ZNF827: variants seen among roughly 807,000 people sequenced by gnomAD.
ZNF827 encodes the protein zinc finger protein 827.
ZNF827 carries 13 observed loss-of-function variants against 102.4 expected under a neutral mutation model. The ratio of observed to expected loss-of-function variants is 0.13; its 90% CI spans 0.08 to 0.20. The LOEUF (loss-of-function observed/expected upper bound fraction) is 0.20. Ranked by LOEUF, ZNF827 falls within the 10% of genes least tolerant of loss-of-function variation. ZNF827 has a pLI of 1.00. For missense variants in ZNF827, 1,103 were observed against 1,344.4 expected, an observed-to-expected ratio of 0.82 and a Z score of 2.81; for synonymous variants, 523 against 536.2, an observed-to-expected ratio of 0.98 and a Z score of 0.34.
intron 7 of ZNF827, among the ~76,000 whole-genome samples, chr4:145,834,553 A>T (rs568832025): frequency 2.0e-5 from 3 of 150,248 alleles, no homozygotes; most frequent in African/African-American, 7.4e-5. Context: ...AGCCCTCCCC[A>T]TCCTGCCCAG....
chr4:145,891,763 G>A (rs1412774980), intron 3 of ZNF827, among the ~76,000 whole-genome samples: 1 of 152,168 alleles, frequency 6.6e-6, no homozygotes, highest in Non-Finnish European at 1.5e-5. Context: ...CCTACACGGT[G>A]TCTCTGTGTG....
At chr4:145,872,945 CTT>C (rs201105472) in intron 4 of ZNF827, among the ~76,000 whole-genome samples, 16 of 130,564 alleles carry the variant, frequency 1.2e-4, no homozygotes, top group South Asian at 5.1e-4. Flanking sequence ...TTTTTCTTTT[CTT>C]TTTTTTTTTT....
intron 8 of ZNF827, among the ~76,000 whole-genome samples, chr4:145,811,841 C>T (rs943631435): frequency 3.3e-5 from 5 of 152,056 alleles, no homozygotes; most frequent in Admixed American, 6.5e-5. Flanking sequence ...TGAAAAGAAG[C>T]TCATTTGATA....
intron 11 of ZNF827, among the ~76,000 whole-genome samples, chr4:145,769,847 TTTAAA>T (rs1724749033): frequency 1.3e-5 from 2 of 152,188 alleles, no homozygotes; most frequent in Non-Finnish European, 2.9e-5. Flanking sequence ...ATTGCACAAT[TTTAAA>T]CAGCACAAAT....
chr4:145,884,551 C>A (rs1175974918), intron 4 of ZNF827, among the ~76,000 whole-genome samples: 2 of 152,170 alleles, frequency 1.3e-5, no homozygotes, highest in Non-Finnish European at 1.5e-5. Flanking sequence ...CCTTTCCCCA[C>A]CCCCTACATC....
At chr4:145,906,983 T>C (rs1169675990) in intron 1 of ZNF827, 3 of 437,310 alleles carry the variant, frequency 6.9e-6, no homozygotes, top group Admixed American at 2.7e-5. Flanking sequence ...AGTTACCATA[T>C]AATTTTAATG....
At position 145,782,267 on chromosome 4, in the gene ZNF827, G is replaced by A. The variant is rs536774346; in HGVS notation, c.2384-2756C>T. ...AACATGACCTCGAAATCACGGCTGG[G>A]TGGGGCCTGGCGGAAGAGGCAGTCG... On this transcript the variant is annotated intron_variant, in intron 8 of 14. Coordinates refer to ENST00000508784, the MANE Select transcript of ZNF827 (RefSeq NM_001306215.2). Among the ~76,000 whole-genome samples the A allele has an allele frequency of 8.5e-4, 129 of 152,356 alleles. 2 individuals carry two copies. In the Middle Eastern group the frequency reaches 0.034, roughly 40 times the overall value.
At position 145,765,569 on chromosome 4, in the gene ZNF827, G is replaced by C; in HGVS notation, c.3030C>G (p.Asn1010Lys). 1 of 1,613,674 alleles carries C rather than the reference G, an allele frequency of 6.2e-7. No individual in the cohort carries two copies. The highest frequency in any genetic ancestry group is 8.5e-7 in the Non-Finnish European group (1 of 1,179,804). The change falls in exon 12 of 15, where the codon AAC (asparagine) becomes AAG (lysine). Residue 1010 changes from asparagine to lysine, a missense_variant. Asn to Lys is a moderately conservative substitution (Grantham distance 94). Around this residue, in one of 5 missense-constraint regions of ZNF827, gnomAD observed 242 missense variants for 361.9 expected, o/e 0.67. Coordinates refer to ENST00000508784, the MANE Select transcript of ZNF827 (RefSeq NM_001306215.2). The surrounding 1 kb of genome is among the most constrained non-coding windows in gnomAD (Gnocchi z 4.7). ...TACCTTTCTCTGGCTTTTCCTCACT[G>C]TTCAGTGAGGGCTGGCTCCCAGGCA... The part of the protein sequence containing the change: ...SVMPGSQPSL[N>K]SEEKPEKGFE...
intron 5 of ZNF827, among the ~76,000 whole-genome samples, chr4:145,857,009 A>ACT (rs1330217552): frequency 4.7e-5 from 7 of 148,546 alleles, no homozygotes; most frequent in Non-Finnish European, 7.5e-5. Flanking sequence ...ACACACACAC[A>ACT]CTCTTATTCT....
At chr4:145,927,817 C>T (rs941227424) in intron 1 of ZNF827, among the ~76,000 whole-genome samples, 1 of 152,194 alleles carries the variant, frequency 6.6e-6, no homozygotes, top group Non-Finnish European at 1.5e-5. Flanking sequence ...CTTCCCTGCC[C>T]ACCTCACAGG....
intron 2 of ZNF827, among the ~76,000 whole-genome samples, chr4:145,895,625 T>C (rs897269496): frequency 3.3e-5 from 5 of 152,236 alleles, no homozygotes; most frequent in African/African-American, 9.6e-5. Context: ...GTACCATGAC[T>C]GATTTTCACC....
At chr4:145,766,541 A>G (rs1735324733) in intron 11 of ZNF827, among the ~76,000 whole-genome samples, 1 of 152,100 alleles carries the variant, frequency 6.6e-6, no homozygotes, top group African/African-American at 2.4e-5. Context: ...AACCTGACAG[A>G]CTCCGAGTGG....
intron 1 of ZNF827, among the ~76,000 whole-genome samples, chr4:145,917,804 C>G (rs1158612079): frequency 1.4e-5 from 2 of 145,936 alleles, no homozygotes; most frequent in Non-Finnish European, 3.0e-5. Context: ...TCCTCTGGTT[C>G]TTGACCTTTT....
chr4:145,867,031 G>T (rs145764471), intron 5 of ZNF827, among the ~76,000 whole-genome samples: 2 of 152,086 alleles, frequency 1.3e-5, no homozygotes, highest in African/African-American at 4.8e-5. Flanking sequence ...CTGAGATTTC[G>T]GCCTCCTTGA....
At chr4:145,894,567 C>G (rs1750837278) in intron 2 of ZNF827, among the ~76,000 whole-genome samples, 1 of 152,174 alleles carries the variant, frequency 6.6e-6, no homozygotes, top group African/African-American at 2.4e-5. Context: ...AAAGTTAGAG[C>G]ATTCCAAAAA....
intron 8 of ZNF827, among the ~76,000 whole-genome samples, chr4:145,798,826 T>C (rs1171256303): frequency 6.6e-6 from 1 of 152,256 alleles, no homozygotes; most frequent in East Asian, 1.9e-4. Flanking sequence ...AGAGAGCTAC[T>C]GCCATTTGTA....
chr4:145,799,735 A>C (rs528912233), intron 8 of ZNF827, among the ~76,000 whole-genome samples: 186 of 152,326 alleles, frequency 1.2e-3, no homozygotes, highest in Non-Finnish European at 1.6e-3. Context: ...TCTAGACAAC[A>C]GTGTGACCAG....
At chr4:145,831,147 G>T (rs1032960755) in intron 7 of ZNF827, 9 of 152,292 alleles carry the variant, frequency 5.9e-5, no homozygotes, top group African/African-American at 2.2e-4. Flanking sequence ...ACCCCGGATG[G>T]CAGGTTAGGG....
intron 7 of ZNF827, chr4:145,830,678 T>C (rs1744123939): frequency 6.6e-6 from 1 of 152,214 alleles, no homozygotes; most frequent in Non-Finnish European, 1.5e-5. Context: ...TTGTATAACA[T>C]ATTTATAAGT....
Sources: gnomAD v4.1 joint callset for allele counts (sites outside exome capture counted in the v4.1 genomes callset) on GRCh38, gnomAD v4.1.1 for gene constraint, gnomAD v4.1.1 regional missense constraint, Gnocchi (gnomAD v3.1) non-coding constraint, MANE v1.5 for transcripts, NCBI Gene and HGNC (gene_info 2026-07-23, HGNC 2026-07-21) for gene names.